The following TMPRSS11D variants were observed in gnomAD, a reference collection of about 807,000 sequenced individuals.
TMPRSS11D encodes the protein transmembrane protease serine 11D.
In TMPRSS11D, 32 loss-of-function variants were observed where a neutral mutation model predicts 44.4. The ratio of observed to expected loss-of-function variants is 0.72; its 90% CI spans 0.54 to 0.97. TMPRSS11D has a LOEUF of 0.97. Ranked by LOEUF, TMPRSS11D falls within the 50% of genes least tolerant of loss-of-function variation. The pLI, the probability that TMPRSS11D is intolerant of heterozygous loss-of-function variation, is 0.00. For missense variants in TMPRSS11D, 446 were observed against 502.6 expected (o/e 0.89, Z 1.08); for synonymous variants, 179 against 177.9 (o/e 1.01, Z -0.05).
intron 4 of TMPRSS11D, among the ~76,000 whole-genome samples, chr4:67,841,264 T>G (rs181730605): frequency 1.9e-4 from 29 of 152,076 alleles, no homozygotes; most frequent in African/African-American, 5.5e-4. Context: ...CCTGAGAAGA[T>G]GAGAGGCCTA....
chr4:67,883,992 C>T lies in TMPRSS11D; in HGVS notation c.-59G>A, dbSNP rs2096662580. 1 of 1,519,506 alleles carries T rather than the reference C, an allele frequency of 6.6e-7. No individual in the cohort carries two copies. Among genetic ancestry groups the T allele is most frequent in the African/African-American group, 1.4e-5 (1 of 71,662 alleles). 94.1% of individuals were successfully genotyped at this position (1,519,506 alleles called of 1,614,324 possible). A position where few individuals can be genotyped will look rare whatever the true frequency, so the allele number is the denominator to read the frequency against. On this transcript the variant is annotated 5_prime_UTR_variant, in exon 1 of 10. In the 5' UTR this introduces an upstream ATG that the reference lacks. Coordinates refer to ENST00000283916, the MANE Select transcript of TMPRSS11D (RefSeq NM_004262.3). ...CTACTCAACTGCTTTGAGATTCCCA[C>T]TCAAATGAATGACTCTCATGTATTA...
intron 1 of TMPRSS11D, among the ~76,000 whole-genome samples, chr4:67,863,533 A>AACTC (rs1176569570): frequency 6.6e-6 from 1 of 152,008 alleles, no homozygotes; most frequent in Non-Finnish European, 1.5e-5. Context: ...AAATGAAGGA[A>AACTC]ATGAGATATG....
chr4:67,865,345 A>G (rs553176274), intron 1 of TMPRSS11D, among the ~76,000 whole-genome samples: 2 of 151,936 alleles, frequency 1.3e-5, no homozygotes, highest in African/African-American at 2.4e-5. Flanking sequence ...AACATACCAA[A>G]CCCTCTAAAA....
rs761054600 is a variant in TMPRSS11D, at chr4:67,854,142, C to T, written c.175G>A (p.Val59Ile). Reference sequence around the variant, plus strand: ...GAATTTAACTGACTATTATATTCAACATTTAGGAGTTGAAAACTGCTCCTA... The same window carrying T: ...GAATTTAACTGACTATTATATTCAATATTTAGGAGTTGAAAACTGCTCCTA... ...FYRSSFQLLN[V>I]EYNSQLNSPA... The change falls in exon 3 of 10, where the codon GTT becomes ATT. Residue 59 changes from valine (V) to isoleucine (I), a missense_variant. Transcript: ENST00000283916. 8.8e-6 allele frequency: 14 copies of T among 1,597,046 alleles called. No individual in the cohort carries two copies. The Middle Eastern group carries it at 5.0e-4, about 57-fold the overall frequency.
At chr4:67,823,365 A>C (rs988835060) in intron 9 of TMPRSS11D, among the ~76,000 whole-genome samples, 1 of 152,152 alleles carries the variant, frequency 6.6e-6, no homozygotes, top group African/African-American at 2.4e-5. Context: ...TTGGGGAGAC[A>C]GATGGAGTAT....
Position 67,827,250 on chromosome 4 carries a change from G to A in TMPRSS11D, c.952+11C>T, listed in dbSNP as rs181546185. On this transcript the variant is annotated intron_variant, in intron 8 of 9. Coordinates refer to ENST00000283916, the MANE Select transcript of TMPRSS11D (RefSeq NM_004262.3). The stretch of plus-strand genomic sequence containing the variant: ...ATTTCTATTGTTAATTTTTTTTTCC[G>A]AGACACTTACCAGCATATTCTTGAG... 491 of 1,559,912 alleles carry A rather than the reference G, an allele frequency of 3.1e-4. 2 individuals are homozygous for A. The East Asian group carries it at 9.3e-3, about 30-fold the overall frequency.
chr4:67,843,767 C>G (rs1718292500), intron 3 of TMPRSS11D, among the ~76,000 whole-genome samples: 1 of 151,980 alleles, frequency 6.6e-6, no homozygotes, highest in Non-Finnish European at 1.5e-5. Context: ...ACTAAAAATA[C>G]AAAAAATTAG....
intron 1 of TMPRSS11D, among the ~76,000 whole-genome samples, chr4:67,869,247 G>GA (rs536004305): frequency 2.2e-4 from 34 of 152,114 alleles, no homozygotes; most frequent in African/African-American, 7.7e-4. Context: ...CTGAAAAAGA[G>GA]TATTGGAAAC....
At chr4:67,877,162 T>G (rs939164992) in intron 1 of TMPRSS11D, among the ~76,000 whole-genome samples, 2 of 152,304 alleles carry the variant, frequency 1.3e-5, no homozygotes, top group African/African-American at 4.8e-5. Flanking sequence ...AAAAAAATTT[T>G]TTTTTAAATC....
At chr4:67,840,084 G>A (rs1718196212) in intron 4 of TMPRSS11D, among the ~76,000 whole-genome samples, 1 of 150,900 alleles carries the variant, frequency 6.6e-6, no homozygotes. Context: ...TTAAGTCTAG[G>A]TTGTACAGGG....
intron 7 of TMPRSS11D, 56 bp from the exon 8 acceptor site, chr4:67,827,576 A>T: frequency 6.6e-7 from 1 of 1,509,172 alleles, no homozygotes; most frequent in Non-Finnish European, 8.9e-7. Context: ...CATTTCAGAT[A>T]TATAAATTCA....
At chr4:67,853,610 A>G (rs991435319) in intron 3 of TMPRSS11D, among the ~76,000 whole-genome samples, 3 of 152,138 alleles carry the variant, frequency 2.0e-5, no homozygotes, top group African/African-American at 7.2e-5. Flanking sequence ...TGCTTTGCAT[A>G]TTTCTGTTCA....
At chr4:67,850,045 A>T (rs1179087461) in intron 3 of TMPRSS11D, among the ~76,000 whole-genome samples, 1 of 152,228 alleles carries the variant, frequency 6.6e-6, no homozygotes, top group East Asian at 1.9e-4. Flanking sequence ...GAACTCATAC[A>T]TCAGAAGAAT....
intron 8 of TMPRSS11D, among the ~76,000 whole-genome samples, chr4:67,827,011 C>T (rs554950503): frequency 2.8e-4 from 42 of 152,180 alleles, no homozygotes; most frequent in African/African-American, 9.4e-4. Flanking sequence ...TATTAAAGAA[C>T]TCGTGTCTTC....
chr4:67,851,115 G>T (rs1405608413), intron 3 of TMPRSS11D, among the ~76,000 whole-genome samples: 1 of 152,160 alleles, frequency 6.6e-6, no homozygotes. Flanking sequence ...GCGGGAGCTG[G>T]TGCTGTCCTG....
At chr4:67,827,026 C>CT (rs1205199620) in intron 8 of TMPRSS11D, among the ~76,000 whole-genome samples, 1 of 152,044 alleles carries the variant, frequency 6.6e-6, no homozygotes, top group Non-Finnish European at 1.5e-5. Flanking sequence ...GTCTTCATAA[C>CT]TTTCTTTTAC....
At chr4:67,872,389 A>T (rs1719080448) in intron 1 of TMPRSS11D, among the ~76,000 whole-genome samples, 1 of 152,032 alleles carries the variant, frequency 6.6e-6, no homozygotes, top group Non-Finnish European at 1.5e-5. Flanking sequence ...GCTACCGTAA[A>T]TTATAAAAAA....
chr4:67,858,985 T>A (rs940329240), intron 2 of TMPRSS11D, among the ~76,000 whole-genome samples: 1 of 152,120 alleles, frequency 6.6e-6, no homozygotes, highest in South Asian at 2.1e-4. Context: ...CTAAAGAACA[T>A]AATGTTTTAA....
At chr4:67,882,730 A>G (rs1372745619) in intron 1 of TMPRSS11D, among the ~76,000 whole-genome samples, 2 of 152,154 alleles carry the variant, frequency 1.3e-5, no homozygotes, top group Non-Finnish European at 2.9e-5. Flanking sequence ...TTTAAGAACA[A>G]TAAAAAATAT....
Sources: gnomAD v4.1 joint callset for allele counts (sites outside exome capture counted in the v4.1 genomes callset) on GRCh38, gnomAD v4.1.1 for gene constraint, MANE v1.5 for transcripts, NCBI Gene and HGNC (gene_info 2026-07-23, HGNC 2026-07-21) for gene names.